The following EML1 variants were observed in gnomAD, a reference collection of about 807,000 sequenced individuals.
EML1 encodes the protein echinoderm microtubule-associated protein-like 1.
In EML1, 27 loss-of-function variants were observed where a neutral mutation model predicts 110.4. The observed-to-expected ratio is 0.24, with a 90% CI of 0.18 to 0.34. The LOEUF is 0.34. EML1 is among the 10% of genes least tolerant of loss of function. The pLI is 1.00. For missense variants in EML1, 741 were observed against 1,030.9 expected (o/e 0.72, Z 3.85); for synonymous variants, 344 against 385.8 (o/e 0.89, Z 1.27).
At chr14:99,752,816 T>C (rs1209304649) in intron 1 of EML1, among the ~76,000 whole-genome samples, 1 of 152,110 alleles carries the variant, frequency 6.6e-6, no homozygotes, top group Non-Finnish European at 1.5e-5. Flanking sequence ...TGGTTTCCTT[T>C]AGAAAATACA....
intron 1 of EML1, among the ~76,000 whole-genome samples, chr14:99,755,312 G>A (rs2057236266): frequency 6.6e-6 from 1 of 152,240 alleles, no homozygotes; most frequent in South Asian, 2.1e-4. Flanking sequence ...GGGGCTGCCG[G>A]AGGGGCCTGA....
chr14:99,852,225 C>T (rs1001224877), intron 2 of EML1, among the ~76,000 whole-genome samples: 3 of 152,184 alleles, frequency 2.0e-5, no homozygotes, highest in Non-Finnish European at 2.9e-5. Context: ...CACTCTTCCT[C>T]GTGACTAACT....
Position 99,936,669 on chromosome 14 carries a change from G to A in EML1, c.2095+335G>A, listed in dbSNP as rs907945249. Among the ~76,000 whole-genome samples, 8 of 152,058 alleles carry A rather than the reference G, an allele frequency of 5.3e-5. No individual in the cohort carries two copies. Among genetic ancestry groups the A allele is most frequent in the Non-Finnish European group, 7.4e-5 (5 of 67,980 alleles). On this transcript the variant is annotated intron_variant, in intron 19 of 21. Coordinates refer to ENST00000262233, the MANE Select transcript of EML1 (RefSeq NM_004434.3). The surrounding 1 kb of genome is among the most constrained non-coding windows in gnomAD (Gnocchi z 5.5). ...GGATGTGGCCGAAGTGGGTGGGTCC[G>A]GAGCTGTCCAGGCAGGAGGAGGGCC...
chr14:99,889,342 G>A (rs2059545015), intron 4 of EML1, among the ~76,000 whole-genome samples: 2 of 152,138 alleles, frequency 1.3e-5, no homozygotes, highest in African/African-American at 2.4e-5. Context: ...GGCTGAAGAC[G>A]GAGAACCAAG....
intron 1 of EML1, among the ~76,000 whole-genome samples, chr14:99,754,857 C>T (rs557985396): frequency 4.6e-5 from 7 of 152,092 alleles, no homozygotes; most frequent in Non-Finnish European, 8.8e-5. Flanking sequence ...GAGAGGGGCT[C>T]AGAGGAGCTG....
In EML1 at chr14:99,936,349, G is replaced by A. The variant is rs369237727; in HGVS notation, c.2095+15G>A. ...AATCCTCTACTGTGAGTACCACCCC[G>A]GGGTTGTATGAAGTCTCGATCTCAG... is the stretch of plus-strand genomic sequence containing the variant. On this transcript the variant is annotated intron_variant, in intron 19 of 21. Transcript: ENST00000262233. This position sits in a 1 kb window ranked among gnomAD's most constrained non-coding sequence, Gnocchi z 5.5. 105 of 1,609,020 alleles carry A rather than the reference G, an allele frequency of 6.5e-5. No individual in the cohort carries two copies. Among genetic ancestry groups the A allele is most frequent in the Non-Finnish European group, 8.1e-5 (95 of 1,177,762 alleles).
At chr14:99,908,119 C>A (rs558964376) in intron 10 of EML1, among the ~76,000 whole-genome samples, 261 of 152,310 alleles carry the variant, frequency 1.7e-3, no homozygotes, top group Admixed American at 3.2e-3. Flanking sequence ...CTGCCTGAGC[C>A]CCTGCAGCCG....
At chr14:99,757,364 A>G (rs966805354) in intron 1 of EML1, among the ~76,000 whole-genome samples, 2 of 152,162 alleles carry the variant, frequency 1.3e-5, no homozygotes, top group African/African-American at 4.8e-5. Context: ...AGAATTGTTA[A>G]AAATTTCAAG....
intron 17 of EML1, among the ~76,000 whole-genome samples, chr14:99,927,791 T>TG (rs1223740048): frequency 2.1e-5 from 1 of 46,646 alleles, no homozygotes; most frequent in Non-Finnish European, 3.9e-5. Flanking sequence ...GTGGTGGTGG[T>TG]ATTGGTGGTG....
intron 9 of EML1, among the ~76,000 whole-genome samples, chr14:99,906,655 C>G (rs919858727): frequency 3.9e-5 from 6 of 152,208 alleles, no homozygotes; most frequent in African/African-American, 1.4e-4. Context: ...GAATGCCTAA[C>G]CATCTGGGAA....
At chr14:99,778,916 T>A (rs183146667) in intron 1 of EML1, among the ~76,000 whole-genome samples, 421 of 152,336 alleles carry the variant, frequency 2.8e-3, no homozygotes, top group Middle Eastern at 0.017. Flanking sequence ...TGTTTTCCTA[T>A]CCCCAGTGTT....
chr14:99,865,450 C>G, intron 2 of EML1, 64 bp from the exon 3 acceptor site: 1 of 1,600,488 alleles, frequency 6.2e-7, no homozygotes, highest in Non-Finnish European at 8.5e-7. Flanking sequence ...TTGAGGACCC[C>G]TGCTGTAAAA....
chr14:99,895,593 A>G (rs956584115), intron 6 of EML1, among the ~76,000 whole-genome samples: 45 of 152,308 alleles, frequency 3.0e-4, no homozygotes, highest in African/African-American at 1.0e-3. Flanking sequence ...AAGGAGGACT[A>G]GCATTCTCCC....
At chr14:99,855,890 A>G (rs2058894522) in intron 2 of EML1, among the ~76,000 whole-genome samples, 1 of 152,222 alleles carries the variant, frequency 6.6e-6, no homozygotes, top group Non-Finnish European at 1.5e-5. Flanking sequence ...AAAACCCTCT[A>G]GCCTCAGTAC....
chr14:99,804,628 G>A (rs2057938916), intron 1 of EML1, among the ~76,000 whole-genome samples: 1 of 152,216 alleles, frequency 6.6e-6, no homozygotes, highest in South Asian at 2.1e-4. Flanking sequence ...AGATGGGACA[G>A]CTATAGACCT....
intron 17 of EML1, among the ~76,000 whole-genome samples, chr14:99,931,092 C>A (rs2060358753): frequency 6.6e-6 from 1 of 152,208 alleles, no homozygotes; most frequent in African/African-American, 2.4e-5. Context: ...CCAACCCTTT[C>A]CCCTGTCATG....
chr14:99,748,209 C>T (rs753632910), intron 1 of EML1, among the ~76,000 whole-genome samples: 3 of 152,040 alleles, frequency 2.0e-5, no homozygotes, highest in East Asian at 1.9e-4. Context: ...AGCCCCTGCC[C>T]GCAGCCCCAG....
At chr14:99,898,098 A>G (rs2059701319) in intron 7 of EML1, 135 bp from the exon 8 acceptor site, 2 of 580,918 alleles carry the variant, frequency 3.4e-6, no homozygotes, top group Non-Finnish European at 5.6e-6. Flanking sequence ...TGCTCAGAGA[A>G]TTTGTCATGA....
At chr14:99,839,387 C>T (rs2058597357) in intron 1 of EML1, among the ~76,000 whole-genome samples, 1 of 152,170 alleles carries the variant, frequency 6.6e-6, no homozygotes, top group Non-Finnish European at 1.5e-5. Context: ...TCTTGCTAGA[C>T]TGAGTGCCCT....
Sources: gnomAD v4.1 joint callset for allele counts (sites outside exome capture counted in the v4.1 genomes callset) on GRCh38, gnomAD v4.1.1 for gene constraint, Gnocchi (gnomAD v3.1) non-coding constraint, MANE v1.5 for transcripts, NCBI Gene and HGNC (gene_info 2026-07-23, HGNC 2026-07-21) for gene names.